EPHA10: variants seen among roughly 807,000 people sequenced by gnomAD.
EPHA10 encodes the protein EPH receptor A10, also known as ephrin type-A receptor 10.
A neutral mutation model predicts 109.7 loss-of-function variants in EPHA10; 120 were observed. That is an observed-to-expected ratio of 1.09 (90% CI 0.94 to 1.27). The LOEUF (loss-of-function observed/expected upper bound fraction) is 1.27. EPHA10 is among the 50% of genes most tolerant of loss of function. The probability of loss-of-function intolerance (pLI) is 0.00; values close to 1 mark genes in which losing one functional copy is unlikely to be tolerated. For synonymous variants in EPHA10, 640 were observed against 618.9 expected (o/e 1.03, Z -0.51); for missense variants, 1,396 against 1,411.1 (o/e 0.99, Z 0.17).
At chr1:37,722,888 G>A (rs763317077) in intron 10 of EPHA10, 153 bp downstream of exon 10, 3 of 1,128,914 alleles carry the variant, frequency 2.7e-6, no homozygotes, top group African/African-American at 1.5e-5. Flanking sequence ...TGGGTGGAGG[G>A]TGGGCTTGGT....
chr1:37,718,107 T>G lies in EPHA10; in HGVS notation c.*265A>C. ...CCAGCTTTTCTCTGAGACCCCGAATTTCCTCCTGCTGTTATCTCAGGGGTC... is the reference window on the plus strand; with the variant it reads ...CCAGCTTTTCTCTGAGACCCCGAATGTCCTCCTGCTGTTATCTCAGGGGTC... On this transcript the variant is annotated 3_prime_UTR_variant, in exon 17 of 17. Transcript: ENST00000373048. 1 of 466,286 alleles carries G rather than the reference T, an allele frequency of 2.1e-6. No homozygotes were observed. Among genetic ancestry groups the G allele is most frequent in the Non-Finnish European group, 3.8e-6 (1 of 265,104 alleles). The allele number at this position is 466,286 out of a possible 1,614,324, so 28.9% of individuals were successfully genotyped here. A position where few individuals can be genotyped will look rare whatever the true frequency, so the allele number is the denominator to read the frequency against.
chr1:37,734,405 A>G (rs1175950086), intron 6 of EPHA10, among the ~76,000 whole-genome samples: 2 of 152,078 alleles, frequency 1.3e-5, no homozygotes, highest in Non-Finnish European at 2.9e-5. Flanking sequence ...GTAGTTGTGC[A>G]TGCCTGTAAT....
At chr1:37,719,823 T>C (rs571722516) in intron 14 of EPHA10, 86 bp downstream of exon 14, 45 of 1,602,246 alleles carry the variant, frequency 2.8e-5, no homozygotes, top group African/African-American at 5.4e-5. Flanking sequence ...GGCAGGAAGA[T>C]TGAGGGCCAA....
At chr1:37,727,855 C>T (rs79058797) in intron 7 of EPHA10, among the ~76,000 whole-genome samples, 1,854 of 152,294 alleles carry the variant, frequency 0.012, 45 homozygotes, top group African/African-American at 0.043. Context: ...TCCAAGAGAT[C>T]AGCCTAGAGG....
intron 5 of EPHA10, among the ~76,000 whole-genome samples, chr1:37,748,256 G>A (rs914763321): frequency 3.9e-5 from 6 of 152,100 alleles, no homozygotes; most frequent in African/African-American, 1.4e-4. Flanking sequence ...TTACTTGGGA[G>A]GCTGAGGCAG....
chr1:37,745,763 T>C (rs1325911184), intron 5 of EPHA10, among the ~76,000 whole-genome samples: 4 of 152,102 alleles, frequency 2.6e-5, no homozygotes, highest in Admixed American at 2.6e-4. Flanking sequence ...GGCTTGAGAA[T>C]TGCTTGAACC....
intron 5 of EPHA10, among the ~76,000 whole-genome samples, chr1:37,740,133 C>CA: frequency 6.6e-6 from 1 of 151,884 alleles, no homozygotes; most frequent in Non-Finnish European, 1.5e-5. Flanking sequence ...GACAACGTAT[C>CA]TAGTTAACAT....
chr1:37,763,521 A>C (rs10157347), intron 1 of EPHA10, among the ~76,000 whole-genome samples: 17,161 of 152,058 alleles, frequency 0.11, 2,410 homozygotes, highest in African/African-American at 0.33. Context: ...TAGGACATTG[A>C]CATATTGGGG....
chr1:37,736,747 C>T (rs144513054), intron 5 of EPHA10, among the ~76,000 whole-genome samples: 2,673 of 152,158 alleles, frequency 0.018, 45 homozygotes, highest in Non-Finnish European at 0.025. Context: ...AAACAAAATA[C>T]AGCAAAGTTG....
rs781264026 is a variant in EPHA10 at position 37,761,673 on chromosome 1, G to C, written c.582C>G (p.Asp194Glu). 6.2e-7 allele frequency: 1 copy of C among 1,610,926 alleles called. No homozygotes were observed. Among genetic ancestry groups the C allele is most frequent in the East Asian group, 2.2e-5 (1 of 44,836 alleles). ...SRRGFHLAFQ[D>E]VGACVALVSV... ...AGACAAGCGCCACGCATGCGCCCACGTCCTGAAAGGCCAGGTGGAAACCCC... is the reference window on the plus strand; with the variant it reads ...AGACAAGCGCCACGCATGCGCCCACCTCCTGAAAGGCCAGGTGGAAACCCC... Residue 194 changes from aspartate (D) to glutamate (E), a missense_variant, in exon 3 of 17, where the codon GAC (aspartate) becomes GAG (glutamate). By Grantham distance (45) the Asp-to-Glu change is conservative. Transcript: ENST00000373048.
Position 37,764,421 on chromosome 1 carries a change from G to C in EPHA10, c.106+540C>G, listed in dbSNP as rs1255660338. Among the ~76,000 whole-genome samples, 1 of 152,234 alleles carries C rather than the reference G, an allele frequency of 6.6e-6. No homozygotes were observed. Among genetic ancestry groups the C allele is most frequent in the African/African-American group, 2.4e-5 (1 of 41,472 alleles). The stretch of plus-strand genomic sequence containing the variant: ...AGTATCGCCGACAGCCTCAAACCCG[G>C]CAACGCGGAGCGCGCCCGGCAGACT... On this transcript the variant is annotated intron_variant, in intron 1 of 16. Transcript: ENST00000373048. This position sits in a 1 kb window ranked among gnomAD's most constrained non-coding sequence, Gnocchi z 5.8.
At position 37,717,578 on chromosome 1, in the gene EPHA10, C is replaced by A. The variant is rs1306867269; in HGVS notation, c.*794G>T. The A allele has an allele frequency of 1.3e-5, 3 of 231,440 alleles. No individual in the cohort carries two copies. The highest frequency in any genetic ancestry group is 2.6e-5 in the Non-Finnish European group (3 of 116,958). The allele number at this position is 231,440 out of a possible 1,614,324, so 14.3% of individuals were successfully genotyped here. ...TTGGGTCCCTGGGGAGATAACATGG[C>A]CCTTTATGCTTTTCCCAGATGTCCT... On this transcript the variant is annotated 3_prime_UTR_variant, in exon 17 of 17. Transcript: ENST00000373048.
chr1:37,718,206 G>C lies in EPHA10; in HGVS notation c.*166C>G. The C allele has an allele frequency of 1.6e-6, 1 of 632,372 alleles. No homozygotes were observed. Among genetic ancestry groups the C allele is most frequent in the South Asian group, 2.0e-5 (1 of 50,524 alleles). The allele number at this position is 632,372 out of a possible 1,614,324, so 39.2% of individuals were successfully genotyped here. On this transcript the variant is annotated 3_prime_UTR_variant, in exon 17 of 17. Coordinates refer to ENST00000373048, the MANE Select transcript of EPHA10 (RefSeq NM_001099439.2). ...CGTTCAGACTCGTGAAAATGGGAGG[G>C]GCAGGCAGTGAAAGCGGGGAAGCTG...
At chr1:37,749,284 T>C (rs1350482744) in intron 5 of EPHA10, among the ~76,000 whole-genome samples, 1 of 151,970 alleles carries the variant, frequency 6.6e-6, no homozygotes. Context: ...CAGCACTAGA[T>C]CAGTGGAAGC....
At chr1:37,738,575 G>A (rs1001316945) in intron 5 of EPHA10, among the ~76,000 whole-genome samples, 1 of 152,084 alleles carries the variant, frequency 6.6e-6, no homozygotes, top group Non-Finnish European at 1.5e-5. Context: ...ATGTAAATTG[G>A]TGCAGCTGCT....
chr1:37,751,610 A>C (rs1646328158), intron 5 of EPHA10, among the ~76,000 whole-genome samples: 2 of 151,368 alleles, frequency 1.3e-5, no homozygotes, highest in African/African-American at 4.8e-5. Flanking sequence ...GCAGTGGCTC[A>C]CGTCTGTAAT....
chr1:37,764,497 G>A lies in EPHA10; in HGVS notation c.106+464C>T, dbSNP rs1355465117. 1.3e-5 allele frequency among the ~76,000 whole-genome samples: 2 copies of A among 152,226 alleles called. No homozygotes were observed. Among genetic ancestry groups the A allele is most frequent in the Non-Finnish European group, 2.9e-5 (2 of 68,044 alleles). ...AGTTCCATGATCAGCACGTCGGGCA[G>A]CGCCCGGATCCAGCCCCCTCGACCA... On this transcript the variant is annotated intron_variant, in intron 1 of 16. Coordinates refer to ENST00000373048, the MANE Select transcript of EPHA10 (RefSeq NM_001099439.2). This position sits in a 1 kb window ranked among gnomAD's most constrained non-coding sequence, Gnocchi z 5.8.
rs757632733 is a variant in EPHA10 at position 37,761,447 on chromosome 1, T to G, written c.808A>C (p.Ser270Arg). Reference protein sequence around the residue: ...GEWLVPVGRCSCSAGFQERGD... With the variant: ...GEWLVPVGRCRCSAGFQERGD... Reference sequence around the variant, plus strand: ...CGCTCCTGGAATCCCGCGCTGCAGCTGCAGCGGCCCACAGGCACCAGCCAC... The same window carrying G: ...CGCTCCTGGAATCCCGCGCTGCAGCGGCAGCGGCCCACAGGCACCAGCCAC... Residue 270 changes from serine to arginine, a missense_variant, in exon 3 of 17, where the codon AGC (serine) becomes CGC (arginine). Ser to Arg is a moderately radical substitution (Grantham distance 110, BLOSUM62 -1). Transcript: ENST00000373048. 1 of 1,599,504 alleles carries G rather than the reference T, an allele frequency of 6.3e-7. No individual in the cohort carries two copies. Among genetic ancestry groups the G allele is most frequent in the Non-Finnish European group, 8.5e-7 (1 of 1,179,630 alleles).
chr1:37,732,390 G>A (rs573264500), intron 6 of EPHA10, among the ~76,000 whole-genome samples: 9 of 152,120 alleles, frequency 5.9e-5, no homozygotes, highest in South Asian at 2.1e-4. Context: ...TGCTCCTCCC[G>A]TCGTTTCGTC....
Sources: gnomAD v4.1 joint callset for allele counts (sites outside exome capture counted in the v4.1 genomes callset) on GRCh38, gnomAD v4.1.1 for gene constraint, Gnocchi (gnomAD v3.1) non-coding constraint, MANE v1.5 for transcripts, NCBI Gene and HGNC (gene_info 2026-07-23, HGNC 2026-07-21) for gene names.